The following DLGAP1 variants were observed in gnomAD, a reference collection of about 807,000 sequenced individuals.
DLGAP1 encodes the protein DLG associated protein 1.
Under a neutral mutation model 90.8 loss-of-function variants are expected in DLGAP1, and 11 were observed. The ratio of observed to expected loss-of-function variants is 0.12; its 90% CI spans 0.08 to 0.20. The LOEUF (loss-of-function observed/expected upper bound fraction) is 0.20. Ranked by LOEUF, DLGAP1 falls within the 10% of genes least tolerant of loss-of-function variation. The probability of loss-of-function intolerance (pLI) is 1.00; values close to 1 mark genes in which losing one functional copy is unlikely to be tolerated. For missense variants in DLGAP1, 1,050 were observed against 1,333.8 expected (o/e 0.79, Z 3.31); for synonymous variants, 558 against 540.7 (o/e 1.03, Z -0.44).
intron 2 of DLGAP1, among the ~76,000 whole-genome samples, chr18:4,052,408 TG>T (rs1454486778): frequency 1.3e-5 from 2 of 152,236 alleles, no homozygotes; most frequent in Admixed American, 6.5e-5. Context: ...TTGCCAAGGC[TG>T]GGGGGCTTGC....
chr18:3,839,394 C>G lies in DLGAP1; in HGVS notation c.958-25121G>C, dbSNP rs148645336. Among the ~76,000 whole-genome samples the G allele has an allele frequency of 3.3e-4, 50 of 152,200 alleles. No individual in the cohort carries two copies. In the East Asian group the frequency reaches 9.1e-3, roughly 28 times the overall value. On this transcript the variant is annotated intron_variant, in intron 4 of 12. Coordinates refer to ENST00000315677, the MANE Select transcript of DLGAP1 (RefSeq NM_004746.4). ...AACAAGCCCTCAAACTTGGTGTCAGCAAAGTGTGAAAATCACTAGAAAATC... is the reference window on the plus strand; with the variant it reads ...AACAAGCCCTCAAACTTGGTGTCAGGAAAGTGTGAAAATCACTAGAAAATC...
At chr18:3,897,834 CCGG>C in intron 3 of DLGAP1, among the ~76,000 whole-genome samples, 1 of 137,304 alleles carries the variant, frequency 7.3e-6, no homozygotes, top group Non-Finnish European at 1.5e-5. Flanking sequence ...GTCGCCCAGG[CCGG>C]ACTGCGGACT....
intron 3 of DLGAP1, among the ~76,000 whole-genome samples, chr18:3,980,065 G>A (rs1328226900): frequency 6.6e-6 from 1 of 152,146 alleles, no homozygotes; most frequent in Non-Finnish European, 1.5e-5. Flanking sequence ...TTACGTGGGA[G>A]GTGGTTGTTA....
At chr18:3,851,746 T>C (rs1196340573) in intron 4 of DLGAP1, among the ~76,000 whole-genome samples, 1 of 152,178 alleles carries the variant, frequency 6.6e-6, no homozygotes, top group Non-Finnish European at 1.5e-5. Context: ...AACTGAAATA[T>C]ATGTTGTCAC....
At chr18:4,414,723 C>CAA (rs72124732) in intron 1 of DLGAP1, among the ~76,000 whole-genome samples, 54,673 of 142,558 alleles carry the variant, frequency 0.38, 10,661 homozygotes, top group Non-Finnish European at 0.42. Context: ...AAGACTCTGT[C>CAA]AAAAAAAAAA....
chr18:3,968,333 TCCA>T (rs1376648447), intron 3 of DLGAP1, among the ~76,000 whole-genome samples: 1 of 152,222 alleles, frequency 6.6e-6, no homozygotes, highest in Non-Finnish European at 1.5e-5. Context: ...GCTATTGATC[TCCA>T]CTTTTTATTT....
At chr18:4,333,188 G>A (rs976238425) in intron 1 of DLGAP1, among the ~76,000 whole-genome samples, 3 of 151,934 alleles carry the variant, frequency 2.0e-5, no homozygotes, top group East Asian at 1.9e-4. Context: ...TGCTGATCTC[G>A]CTAGGTCAGC....
intron 1 of DLGAP1, among the ~76,000 whole-genome samples, chr18:4,324,385 A>G (rs1340471767): frequency 6.6e-6 from 1 of 151,656 alleles, no homozygotes; most frequent in African/African-American, 2.4e-5. Flanking sequence ...AAGCCTACCA[A>G]CCAAAAAAAA....
At chr18:3,680,602 A>G (rs1381413721) in intron 7 of DLGAP1, among the ~76,000 whole-genome samples, 2 of 152,144 alleles carry the variant, frequency 1.3e-5, no homozygotes, top group Admixed American at 6.5e-5. Flanking sequence ...CCTGGCTAAC[A>G]TGGTGAAACC....
intron 1 of DLGAP1, among the ~76,000 whole-genome samples, chr18:4,310,441 C>T (rs1476183869): frequency 6.6e-6 from 1 of 152,192 alleles, no homozygotes; most frequent in Admixed American, 6.5e-5. Context: ...CCACTTCATT[C>T]TTTAAGGTAA....
At chr18:4,306,788 C>T (rs1298418694) in intron 1 of DLGAP1, among the ~76,000 whole-genome samples, 6 of 152,028 alleles carry the variant, frequency 3.9e-5, no homozygotes, top group South Asian at 4.1e-4. Flanking sequence ...ACCTAGGACT[C>T]GAGTTATCTA....
intron 2 of DLGAP1, among the ~76,000 whole-genome samples, chr18:4,012,647 T>C (rs147436489): frequency 6.6e-6 from 1 of 152,334 alleles, no homozygotes; most frequent in Non-Finnish European, 1.5e-5. Context: ...GGTCTATGTA[T>C]TTGACATTTG....
chr18:3,741,198 CAAA>C (rs2062987298), intron 6 of DLGAP1, among the ~76,000 whole-genome samples: 1 of 97,036 alleles, frequency 1.0e-5, no homozygotes, highest in Non-Finnish European at 2.1e-5. Context: ...CCACCACCAC[CAAA>C]TCACCACCAC....
chr18:4,317,433 T>C (rs1478471074), intron 1 of DLGAP1, among the ~76,000 whole-genome samples: 2 of 152,240 alleles, frequency 1.3e-5, no homozygotes, highest in African/African-American at 4.8e-5. Context: ...TATCATGACA[T>C]AGAATTACCT....
intron 1 of DLGAP1, among the ~76,000 whole-genome samples, chr18:4,329,703 A>G (rs1328794846): frequency 6.6e-6 from 1 of 152,014 alleles, no homozygotes; most frequent in Non-Finnish European, 1.5e-5. Flanking sequence ...TTTTGAAAAC[A>G]TGGGTTGCAT....
chr18:3,521,916 C>T (rs1296164650), intron 10 of DLGAP1, among the ~76,000 whole-genome samples: 3 of 152,144 alleles, frequency 2.0e-5, no homozygotes, highest in Non-Finnish European at 2.9e-5. Context: ...ATGTCTAGCA[C>T]CACTTTTTAA....
At chr18:3,841,666 G>A (rs2068724396) in intron 4 of DLGAP1, among the ~76,000 whole-genome samples, 1 of 152,218 alleles carries the variant, frequency 6.6e-6, no homozygotes, top group African/African-American at 2.4e-5. Flanking sequence ...ACAACAACAC[G>A]AAGATTAAGG....
intron 2 of DLGAP1, among the ~76,000 whole-genome samples, chr18:4,149,044 CAG>C (rs1252999519): frequency 6.6e-6 from 1 of 152,178 alleles, no homozygotes; most frequent in African/African-American, 2.4e-5. Flanking sequence ...TTCACACAAA[CAG>C]GGTTGTTTCC....
At chr18:3,754,547 G>C (rs2063634057) in intron 5 of DLGAP1, among the ~76,000 whole-genome samples, 1 of 145,612 alleles carries the variant, frequency 6.9e-6, no homozygotes, top group South Asian at 2.2e-4. Flanking sequence ...GTAGACAGTA[G>C]TTTATTTTAT....
Sources: gnomAD v4.1 joint callset for allele counts (sites outside exome capture counted in the v4.1 genomes callset) on GRCh38, gnomAD v4.1.1 for gene constraint, MANE v1.5 for transcripts, NCBI Gene and HGNC (gene_info 2026-07-23, HGNC 2026-07-21) for gene names.